DNAI3: variants seen among roughly 807,000 people sequenced by gnomAD.
DNAI3 encodes the protein WD repeat domain 63.
A neutral mutation model predicts 115.5 loss-of-function variants in DNAI3; 83 were observed. That is an observed-to-expected ratio of 0.72 (90% CI 0.60 to 0.86). The LOEUF (loss-of-function observed/expected upper bound fraction) is 0.86. Among genes scored for constraint, DNAI3 ranks in the 40% least tolerant of loss-of-function variants. The pLI, the probability that DNAI3 is intolerant of heterozygous loss-of-function variation, is 0.00. For missense variants in DNAI3, 1,004 were observed against 1,075.8 expected, an observed-to-expected ratio of 0.93 and a Z score of 0.93; for synonymous variants, 320 against 347.0, an observed-to-expected ratio of 0.92 and a Z score of 0.86.
At chr1:85,066,314 CTTTTTT>C (rs57553075) in intron 1 of DNAI3, among the ~76,000 whole-genome samples, 11 of 70,034 alleles carry the variant, frequency 1.6e-4, no homozygotes, top group South Asian at 6.0e-4. Flanking sequence ...TTCTGCTACT[CTTTTTT>C]TTTTTTTTTT....
At chr1:85,063,317 G>A (rs1316065381) in intron 1 of DNAI3, among the ~76,000 whole-genome samples, 1 of 151,614 alleles carries the variant, frequency 6.6e-6, no homozygotes, top group African/African-American at 2.4e-5. Flanking sequence ...CCTGCATGGT[G>A]TGGACCAGGA....
At chr1:85,106,910 T>C (rs992261887) in intron 14 of DNAI3, among the ~76,000 whole-genome samples, 3 of 152,206 alleles carry the variant, frequency 2.0e-5, no homozygotes, top group Non-Finnish European at 2.9e-5. Flanking sequence ...ATGTAAGAGC[T>C]AAAACTAGAA....
intron 15 of DNAI3, 144 bp from the exon 16 acceptor site, chr1:85,109,904 A>G: frequency 2.9e-6 from 2 of 700,936 alleles, no homozygotes. Context: ...AGAAACTAGA[A>G]ATTTGAGGGA....
Position 85,124,265 on chromosome 1 carries a change from A to C in DNAI3, c.2112+14A>C. The stretch of plus-strand genomic sequence containing the variant: ...GAAGGTGTTATGGTAAGTTGCCTGC[A>C]AAATGGAAGCATGAGTGTGTGATCT... On this transcript the variant is annotated intron_variant, in intron 19 of 22. Coordinates refer to ENST00000294664, the MANE Select transcript of DNAI3 (RefSeq NM_145172.5). 2 of 1,614,138 alleles carry C rather than the reference A, an allele frequency of 1.2e-6. No homozygotes were observed. The highest frequency in any genetic ancestry group is 1.7e-6 in the Non-Finnish European group (2 of 1,179,972).
In DNAI3 at chr1:85,132,957, A is replaced by T. The variant is rs1308506080; in HGVS notation, c.2635A>T (p.Ile879Phe). 1 of 1,613,654 alleles carries T rather than the reference A, an allele frequency of 6.2e-7. No individual in the cohort carries two copies. Among genetic ancestry groups the T allele is most frequent in the Non-Finnish European group, 8.5e-7 (1 of 1,179,876 alleles). Residue 879 changes from isoleucine to phenylalanine, a missense_variant, in exon 23 of 23, where the codon ATC becomes TTC. Transcript: ENST00000294664. Reference protein sequence around the residue: ...EKTVLINLGLIKVTEKGSYME... With the variant: ...EKTVLINLGLFKVTEKGSYME... Reference sequence around the variant, plus strand: ...GACTGTTCTTATCAACCTTGGCCTAATCAAAGTCACAGAGAAGGGGTCATA... The same window carrying T: ...GACTGTTCTTATCAACCTTGGCCTATTCAAAGTCACAGAGAAGGGGTCATA...
At position 85,114,340 on chromosome 1, in the gene DNAI3, G is replaced by C. The variant is rs146511232; in HGVS notation, c.1787-3389G>C. On this transcript the variant is annotated intron_variant, in intron 16 of 22. Coordinates refer to ENST00000294664, the MANE Select transcript of DNAI3 (RefSeq NM_145172.5). Reference sequence around the variant, plus strand: ...CAATTTATCTTTGAATATTAATTTTGTATCCTGAAATCTTGCTAAAATCTC... The same window carrying C: ...CAATTTATCTTTGAATATTAATTTTCTATCCTGAAATCTTGCTAAAATCTC... 6.6e-4 allele frequency among the ~76,000 whole-genome samples: 100 copies of C among 152,182 alleles called. 2 individuals are homozygous for C. In the East Asian group the frequency reaches 0.017, roughly 26 times the overall value.
At chr1:85,115,397 G>A (rs1655786166) in intron 16 of DNAI3, among the ~76,000 whole-genome samples, 1 of 152,174 alleles carries the variant, frequency 6.6e-6, no homozygotes, top group Admixed American at 6.5e-5. Context: ...TAACCACCTG[G>A]AAGTTCTTGT....
rs755502386 is a variant in DNAI3 at position 85,110,084 on chromosome 1, T to C, written c.1735T>C (p.Cys579Arg). Reference protein sequence around the residue: ...LSKGETSLDHCPTKISLNEDH... With the variant: ...LSKGETSLDHRPTKISLNEDH... ...CAAGGGTGAAACAAGTTTAGACCAC[T>C]GTCCAACCAAGATAAGCCTGAATGA... The change falls in exon 16 of 23, where the codon TGT becomes CGT. Residue 579 changes from cysteine (C) to arginine (R), a missense_variant. This residue lies in a region of DNAI3 where 429 missense variants were observed against 454.3 expected (regional missense o/e 0.94). Coordinates refer to ENST00000294664, the MANE Select transcript of DNAI3 (RefSeq NM_145172.5). 1 of 1,613,388 alleles carries C rather than the reference T, an allele frequency of 6.2e-7. No individual in the cohort carries two copies. The highest frequency in any genetic ancestry group is 8.5e-7 in the Non-Finnish European group (1 of 1,179,766).
chr1:85,082,244 A>G, intron 4 of DNAI3, 56 bp from the exon 5 acceptor site: 13 of 1,391,166 alleles, frequency 9.3e-6, no homozygotes, highest in Non-Finnish European at 1.3e-5. Flanking sequence ...GTTGGCATCA[A>G]AATAAACTGA....
intron 8 of DNAI3, among the ~76,000 whole-genome samples, chr1:85,092,165 A>C (rs76828696): frequency 0.029 from 4,404 of 152,278 alleles, 104 homozygotes; most frequent in Non-Finnish European, 0.046. Context: ...CATTTCTAAC[A>C]GCCCCAGGTC....
chr1:85,120,419 T>C (rs1029103034), intron 17 of DNAI3, among the ~76,000 whole-genome samples: 1 of 151,798 alleles, frequency 6.6e-6, no homozygotes, highest in African/African-American at 2.4e-5. Context: ...AGAAGTGGAG[T>C]TGGGTAACAG....
chr1:85,093,948 C>T (rs1655055348), intron 9 of DNAI3: 3 of 537,946 alleles, frequency 5.6e-6, no homozygotes, highest in African/African-American at 1.9e-5. Flanking sequence ...TGGGCTTGGG[C>T]CTGTTGCTCT....
chr1:85,114,389 T>C (rs6670564), intron 16 of DNAI3, among the ~76,000 whole-genome samples: 1,889 of 152,356 alleles, frequency 0.012, 35 homozygotes, highest in African/African-American at 0.042. Flanking sequence ...TGGCTTCTTT[T>C]AGACATACTG....
At chr1:85,113,303 T>C (rs535207581) in intron 16 of DNAI3, among the ~76,000 whole-genome samples, 1 of 152,340 alleles carries the variant, frequency 6.6e-6, no homozygotes, top group South Asian at 2.1e-4. Context: ...AATGTTTGCC[T>C]AGCCCACAGT....
At chr1:85,127,855 C>T (rs1656194618) in intron 20 of DNAI3, among the ~76,000 whole-genome samples, 1 of 152,088 alleles carries the variant, frequency 6.6e-6, no homozygotes, top group Non-Finnish European at 1.5e-5. Flanking sequence ...TGGCTTACAC[C>T]TCTAATCCCA....
intron 3 of DNAI3, among the ~76,000 whole-genome samples, chr1:85,077,278 C>T (rs1654485645): frequency 6.6e-6 from 1 of 152,092 alleles, no homozygotes; most frequent in African/African-American, 2.4e-5. Context: ...GAACTCAATC[C>T]ATACCTCACA....
intron 19 of DNAI3, 101 bp downstream of exon 19, chr1:85,124,352 C>T (rs1190916358): frequency 6.5e-7 from 1 of 1,534,510 alleles, no homozygotes; most frequent in African/African-American, 1.4e-5. Context: ...CTTTGGGACA[C>T]TTTTTAGAGA....
chr1:85,066,651 C>A (rs747279620), intron 1 of DNAI3, among the ~76,000 whole-genome samples: 1 of 151,982 alleles, frequency 6.6e-6, no homozygotes, highest in African/African-American at 2.4e-5. Flanking sequence ...TTAATAATTA[C>A]AAATTGATTT....
intron 13 of DNAI3, among the ~76,000 whole-genome samples, 187 bp downstream of exon 13, chr1:85,098,845 C>T (rs1164672017): frequency 1.3e-5 from 2 of 152,212 alleles, no homozygotes; most frequent in Non-Finnish European, 2.9e-5. Flanking sequence ...TAAGGCCAAT[C>T]TTTCAACTCA....
Sources: allele counts gnomAD v4.1 joint callset (sites outside exome capture counted in the v4.1 genomes callset), GRCh38; gene constraint gnomAD v4.1.1; regional missense constraint gnomAD v4.1.1; transcripts MANE v1.5; gene names NCBI Gene and HGNC (gene_info 2026-07-23, HGNC 2026-07-21).